The following PUDP variants were observed in gnomAD, a reference collection of about 807,000 sequenced individuals.
PUDP encodes the protein pseudouridine-5'-phosphatase.
In PUDP, 8 loss-of-function variants were observed where a neutral mutation model predicts 9.4. The observed-to-expected ratio is 0.85, with a 90% CI of 0.50 to 1.53. PUDP has a LOEUF of 1.53. Among genes scored for constraint, PUDP ranks in the 40% most tolerant of loss-of-function variants. The probability of loss-of-function intolerance (pLI) is 0.00; values close to 1 mark genes in which losing one functional copy is unlikely to be tolerated. For missense variants in PUDP, 188 were observed against 189.7 expected (o/e 0.99, Z 0.05); for synonymous variants, 99 against 80.7 (o/e 1.23, Z -1.22).
chrX:7,148,045 C>G lies in PUDP; in HGVS notation c.61+8G>C, dbSNP rs757985275. 8 of 1,135,927 alleles carry G rather than the reference C, an allele frequency of 7.0e-6. No individual in the cohort carries two copies. In the African/African-American group the frequency reaches 1.1e-4, roughly 16 times the overall value. The allele number at this position is 1,135,927 out of a possible 1,213,427, so 93.6% of individuals were successfully genotyped here. A position where few individuals can be genotyped will look rare whatever the true frequency, so the allele number is the denominator to read the frequency against. On this transcript the variant is annotated splice_region_variant and intron_variant, in intron 1 of 3. Transcript: ENST00000381077. ...CCTTACTGGAGGCGGCGGCTGCACA[C>G]TACCCACCCAGAAGAAGTCCGTCCA...
intron 2 of PUDP, among the ~76,000 whole-genome samples, chrX:7,082,456 T>G (rs1261749986): frequency 1.8e-5 from 2 of 111,623 alleles, no homozygotes; most frequent in Non-Finnish European, 3.8e-5. Context: ...AGCAACAGAA[T>G]CAAGTGGGGG....
chrX:6,845,113 T>A (rs1368210778), intron 3 of PUDP, among the ~76,000 whole-genome samples: 1 of 112,123 alleles, frequency 8.9e-6, no homozygotes, highest in East Asian at 2.8e-4. Context: ...CCGAAATCAA[T>A]GTTTTACCAA....
chrX:7,111,050 G>A (rs1173117681), intron 1 of PUDP, among the ~76,000 whole-genome samples: 8 of 111,176 alleles, frequency 7.2e-5, no homozygotes, highest in African/African-American at 2.0e-4. Context: ...TGATTGGATC[G>A]TTGGGGTGGT....
chrX:6,831,326 A>C (rs1032669655), intron 3 of PUDP, among the ~76,000 whole-genome samples: 1 of 112,187 alleles, frequency 8.9e-6, no homozygotes, highest in African/African-American at 3.2e-5. Context: ...TCTTGTGGCT[A>C]ATTTGTTAGC....
chrX:7,025,943 A>G (rs73190800), intron 1 of PUDP, among the ~76,000 whole-genome samples: 9 of 103,344 alleles, frequency 8.7e-5, no homozygotes, highest in African/African-American at 3.3e-4. Context: ...TAGGGGACAT[A>G]TCATTTAGGG....
At chrX:6,772,698 AG>A (rs1277194936) in intron 3 of PUDP, among the ~76,000 whole-genome samples, 1 of 109,479 alleles carries the variant, frequency 9.1e-6, no homozygotes, top group Non-Finnish European at 1.9e-5. Context: ...TGGGAGGCCG[AG>A]GTGGGTAGAT....
At chrX:6,902,155 G>C (rs987436692) in intron 3 of PUDP, among the ~76,000 whole-genome samples, 9 of 111,738 alleles carry the variant, frequency 8.1e-5, no homozygotes, top group Admixed American at 7.6e-4. Flanking sequence ...CAAAGTTCTG[G>C]GATTATAGGC....
intron 1 of PUDP, among the ~76,000 whole-genome samples, chrX:7,140,719 T>C (rs1328020322): frequency 8.9e-6 from 1 of 111,969 alleles, no homozygotes; most frequent in African/African-American, 3.2e-5. Context: ...TCCCATATTA[T>C]ACAGGCATAT....
intron 3 of PUDP, among the ~76,000 whole-genome samples, chrX:7,076,870 G>A: frequency 8.9e-6 from 1 of 112,137 alleles, no homozygotes; most frequent in Non-Finnish European, 1.9e-5. Context: ...CTTAAAGCCT[G>A]CACCTAGACA....
intron 2 of PUDP, among the ~76,000 whole-genome samples, chrX:7,090,781 A>C (rs1229197427): frequency 9.0e-6 from 1 of 111,242 alleles, no homozygotes; most frequent in Non-Finnish European, 1.9e-5. Flanking sequence ...CACAATGAAG[A>C]GGCTGGAGGC....
chrX:6,807,602 C>T (rs1014046412), intron 3 of PUDP, among the ~76,000 whole-genome samples: 2 of 111,827 alleles, frequency 1.8e-5, no homozygotes, highest in Non-Finnish European at 3.8e-5. Context: ...AGAGAAGGCA[C>T]GGTGTGCAAG....
At chrX:7,143,680 A>G (rs377581260) in intron 1 of PUDP, among the ~76,000 whole-genome samples, 1 of 112,242 alleles carries the variant, frequency 8.9e-6, no homozygotes, top group South Asian at 3.7e-4. Flanking sequence ...AACATACAAT[A>G]TAGCATCTTA....
chrX:6,943,968 T>C (rs1459696204), intron 3 of PUDP, among the ~76,000 whole-genome samples: 1 of 111,983 alleles, frequency 8.9e-6, no homozygotes, highest in African/African-American at 3.2e-5. Flanking sequence ...GAAGTCCAAA[T>C]TTCATTCCTT....
intron 3 of PUDP, among the ~76,000 whole-genome samples, chrX:6,969,924 T>G (rs893165995): frequency 8.0e-5 from 9 of 112,389 alleles, no homozygotes; most frequent in African/African-American, 2.9e-4. Context: ...AAGCTAAAAG[T>G]TTATACAGTA....
intron 3 of PUDP, among the ~76,000 whole-genome samples, chrX:6,849,114 G>A (rs1926791030): frequency 8.9e-6 from 1 of 111,741 alleles, no homozygotes; most frequent in African/African-American, 3.3e-5. Context: ...TATGTGGGGT[G>A]GTAGACCCGC....
intron 1 of PUDP, among the ~76,000 whole-genome samples, chrX:7,138,007 T>C (rs1932766434): frequency 8.9e-6 from 1 of 112,097 alleles, no homozygotes; most frequent in East Asian, 2.8e-4. Context: ...ATGAAGGTAC[T>C]GACCCTATAT....
At chrX:7,026,790 A>G (rs1353839795) in intron 1 of PUDP, among the ~76,000 whole-genome samples, 1 of 112,093 alleles carries the variant, frequency 8.9e-6, no homozygotes, top group Admixed American at 9.4e-5. Flanking sequence ...GTTAAATGTC[A>G]GTAGTGCTGA....
rs922587181 is a variant in PUDP at position 7,056,969 on chromosome X, T to C, written c.511-6497A>G. Among the ~76,000 whole-genome samples the C allele has an allele frequency of 3.6e-5, 4 of 111,827 alleles. No homozygotes were observed. In the Admixed American group the frequency reaches 3.8e-4, roughly 11 times the overall value. On this transcript the variant is annotated intron_variant, in intron 3 of 3. Coordinates refer to ENST00000381077, the MANE Select transcript of PUDP (RefSeq NM_012080.5). ...TCCATCTCCAGGCGAGGAGATGAGC[T>C]TAATTAAACTGTAGCTTGAGGGATT...
intron 3 of PUDP, among the ~76,000 whole-genome samples, chrX:6,816,173 T>C (rs1205719858): frequency 3.8e-5 from 4 of 106,465 alleles, no homozygotes; most frequent in Admixed American, 2.1e-4. Flanking sequence ...AGAAAGTCTA[T>C]AAAGATGATC....
Sources: gnomAD v4.1 joint callset for allele counts (sites outside exome capture counted in the v4.1 genomes callset) on GRCh38, gnomAD v4.1.1 for gene constraint, MANE v1.5 for transcripts, NCBI Gene and HGNC (gene_info 2026-07-23, HGNC 2026-07-21) for gene names.